TAFA4: variants seen among roughly 807,000 people sequenced by gnomAD.
TAFA4 encodes the protein chemokine-like protein TAFA-4.
Under a neutral mutation model 21.1 loss-of-function variants are expected in TAFA4, and 20 were observed. The observed-to-expected ratio is 0.95, with a 90% CI of 0.67 to 1.38. The LOEUF (loss-of-function observed/expected upper bound fraction) is 1.38, where lower values mean the gene tolerates loss of function less well. Among genes scored for constraint, TAFA4 ranks in the 40% most tolerant of loss-of-function variants. TAFA4 has a pLI of 0.00. For missense variants in TAFA4, 211 were observed against 180.9 expected (o/e 1.17, Z -0.95); for synonymous variants, 71 against 67.4 (o/e 1.05, Z -0.26).
intron 3 of TAFA4, among the ~76,000 whole-genome samples, chr3:68,807,828 G>C (rs1703735978): frequency 6.6e-6 from 1 of 151,114 alleles, no homozygotes; most frequent in Non-Finnish European, 1.5e-5. Context: ...CCTTTGCTGA[G>C]CTGCATTTGA....
At chr3:68,740,337 C>T (rs1057211778) in intron 4 of TAFA4, among the ~76,000 whole-genome samples, 8 of 152,142 alleles carry the variant, frequency 5.3e-5, no homozygotes, top group African/African-American at 1.9e-4. Context: ...ACTAAAAGCA[C>T]TAAAAATTTC....
At chr3:68,912,605 T>C (rs2107007508) in intron 1 of TAFA4, among the ~76,000 whole-genome samples, 1 of 152,344 alleles carries the variant, frequency 6.6e-6, no homozygotes, top group East Asian at 1.9e-4. Context: ...CTCATCTGTG[T>C]GTGCCGCTGC....
intron 3 of TAFA4, among the ~76,000 whole-genome samples, chr3:68,827,264 T>G (rs1440253995): frequency 6.6e-6 from 1 of 152,208 alleles, no homozygotes. Flanking sequence ...ATGTGCCACA[T>G]TTTCTTTATC....
intron 1 of TAFA4, among the ~76,000 whole-genome samples, chr3:68,929,425 G>T (rs1021337062): frequency 6.6e-6 from 1 of 152,146 alleles, no homozygotes; most frequent in Non-Finnish European, 1.5e-5. Flanking sequence ...GACAAATTAG[G>T]ATAAATATAC....
At chr3:68,869,897 T>C (rs1002089665) in intron 3 of TAFA4, among the ~76,000 whole-genome samples, 2 of 151,952 alleles carry the variant, frequency 1.3e-5, no homozygotes, top group East Asian at 3.9e-4. Context: ...GGCATCCAAA[T>C]TGGAAAGGAA....
intron 3 of TAFA4, among the ~76,000 whole-genome samples, chr3:68,776,327 T>C (rs529321573): frequency 2.0e-5 from 3 of 152,202 alleles, no homozygotes; most frequent in African/African-American, 7.2e-5. Flanking sequence ...GAAAGAAAGA[T>C]ACACCATACA....
intron 1 of TAFA4, among the ~76,000 whole-genome samples, chr3:68,931,289 C>T (rs1393724172): frequency 6.6e-6 from 1 of 152,114 alleles, no homozygotes; most frequent in Non-Finnish European, 1.5e-5. Flanking sequence ...CCCTGAATCT[C>T]GGTGACGGGG....
intron 1 of TAFA4, among the ~76,000 whole-genome samples, chr3:68,925,289 G>C (rs958523493): frequency 6.6e-6 from 1 of 152,246 alleles, no homozygotes; most frequent in South Asian, 2.1e-4. Context: ...ATGTGAAGCC[G>C]AGTTGCATAA....
intron 4 of TAFA4, among the ~76,000 whole-genome samples, chr3:68,744,176 A>AAAGATTCAAAAGCAGTCTTGACAGGT (rs1702409820): frequency 6.6e-6 from 1 of 152,224 alleles, no homozygotes; most frequent in African/African-American, 2.4e-5. Context: ...GAGTTTCATG[A>AAAGATTCAAAAGCAGTCTTGACAGGT]AAGATTCAAA....
At chr3:68,793,122 C>G (rs1480322985) in intron 3 of TAFA4, among the ~76,000 whole-genome samples, 1 of 152,116 alleles carries the variant, frequency 6.6e-6, no homozygotes, top group Non-Finnish European at 1.5e-5. Context: ...GTTAATCACT[C>G]TCTGATTTCA....
intron 4 of TAFA4, among the ~76,000 whole-genome samples, chr3:68,745,029 G>A (rs17047965): frequency 0.015 from 2,296 of 152,228 alleles, 45 homozygotes; most frequent in East Asian, 0.05. Context: ...TTTGTGAAAG[G>A]CTTTATGGCA....
chr3:68,864,079 T>C, intron 3 of TAFA4, among the ~76,000 whole-genome samples: 1 of 151,852 alleles, frequency 6.6e-6, no homozygotes, highest in Non-Finnish European at 1.5e-5. Context: ...GTAAAATACA[T>C]AAAAGAACAA....
intron 3 of TAFA4, among the ~76,000 whole-genome samples, chr3:68,819,504 A>G (rs1012742446): frequency 6.6e-6 from 1 of 152,102 alleles, no homozygotes; most frequent in Non-Finnish European, 1.5e-5. Flanking sequence ...TATGGCCTCT[A>G]TTGTTCTGAA....
At chr3:68,734,178 T>C (rs1559752471) in intron 5 of TAFA4, among the ~76,000 whole-genome samples, 1 of 152,182 alleles carries the variant, frequency 6.6e-6, no homozygotes, top group Non-Finnish European at 1.5e-5. Flanking sequence ...AAATCTGAAT[T>C]TCATATAATC....
At chr3:68,862,674 G>A (rs1051384021) in intron 3 of TAFA4, among the ~76,000 whole-genome samples, 8 of 152,026 alleles carry the variant, frequency 5.3e-5, no homozygotes, top group Admixed American at 5.2e-4. Context: ...TGAGCAGGGT[G>A]AGGACCACTG....
At chr3:68,896,311 G>C (rs1191905454) in intron 1 of TAFA4, among the ~76,000 whole-genome samples, 2 of 152,162 alleles carry the variant, frequency 1.3e-5, no homozygotes, top group African/African-American at 2.4e-5. Context: ...GCTGGGTAGA[G>C]AATGTCCTGA....
chr3:68,797,506 G>C (rs28813154), intron 3 of TAFA4, among the ~76,000 whole-genome samples: 42,125 of 151,376 alleles, frequency 0.28, 7,178 homozygotes, highest in Non-Finnish European at 0.39. Context: ...CCAGCTACTT[G>C]GGAGGCTGAG....
chr3:68,901,731 C>G (rs2089845359), intron 1 of TAFA4, among the ~76,000 whole-genome samples: 1 of 152,146 alleles, frequency 6.6e-6, no homozygotes, highest in African/African-American at 2.4e-5. Context: ...TAAGCCCTCT[C>G]TATTTGTAAA....
chr3:68,773,147 T>G (rs1169485338), intron 3 of TAFA4, among the ~76,000 whole-genome samples: 5 of 152,210 alleles, frequency 3.3e-5, no homozygotes, highest in Non-Finnish European at 7.3e-5. Context: ...TATTCAAGAC[T>G]GACCCCACTT....
Sources: allele counts gnomAD v4.1 joint callset (sites outside exome capture counted in the v4.1 genomes callset), GRCh38; gene constraint gnomAD v4.1.1; transcripts MANE v1.5; gene names NCBI Gene and HGNC (gene_info 2026-07-23, HGNC 2026-07-21).